The following FER1L6 variants were observed in gnomAD, a reference collection of about 807,000 sequenced individuals.
FER1L6 encodes the protein fer-1 like family member 6.
A neutral mutation model predicts 219.2 loss-of-function variants in FER1L6; 177 were observed. That is an observed-to-expected ratio of 0.81 (90% confidence interval 0.71 to 0.91). FER1L6 has a LOEUF of 0.91. Among genes scored for constraint, FER1L6 ranks in the 40% least tolerant of loss-of-function variants. The pLI is 0.00. For synonymous variants in FER1L6, 768 were observed against 824.3 expected (o/e 0.93, Z 1.17); for missense variants, 2,153 against 2,259.9 (o/e 0.95, Z 0.96).
chr8:124,085,840 T>A (rs1209740436), intron 33 of FER1L6, among the ~76,000 whole-genome samples: 1 of 152,160 alleles, frequency 6.6e-6, no homozygotes, highest in African/African-American at 2.4e-5. Context: ...CCAGCTATTA[T>A]TGTATTGGGG....
At chr8:124,109,417 C>T (rs1422150279) in intron 39 of FER1L6, among the ~76,000 whole-genome samples, 1 of 152,156 alleles carries the variant, frequency 6.6e-6, no homozygotes, top group East Asian at 1.9e-4. Flanking sequence ...CATGTCTAGT[C>T]CCTAGTCCCT....
At chr8:124,076,062 A>C in intron 31 of FER1L6, 136 bp from the exon 32 acceptor site, 1 of 1,100,168 alleles carries the variant, frequency 9.1e-7, no homozygotes, top group Non-Finnish European at 1.3e-6. Context: ...CAAAAGCCCA[A>C]AGCCCTGGCC....
chr8:124,068,451 A>G (rs1820916288), intron 28 of FER1L6, among the ~76,000 whole-genome samples: 1 of 152,200 alleles, frequency 6.6e-6, no homozygotes, highest in Non-Finnish European at 1.5e-5. Context: ...TCTGTCCAAC[A>G]TTACACAGCT....
At chr8:124,021,929 G>A (rs952942521) in intron 17 of FER1L6, among the ~76,000 whole-genome samples, 3 of 152,126 alleles carry the variant, frequency 2.0e-5, no homozygotes, top group Middle Eastern at 3.2e-3. Context: ...TGAAGTCAAC[G>A]TAAGCCCAGG....
chr8:124,100,580 T>C (rs1353401665), intron 37 of FER1L6, among the ~76,000 whole-genome samples: 1 of 152,180 alleles, frequency 6.6e-6, no homozygotes, highest in Admixed American at 6.5e-5. Flanking sequence ...CTGGGCTTTC[T>C]AGGCCTAGAA....
intron 1 of FER1L6, among the ~76,000 whole-genome samples, chr8:123,878,507 C>T (rs1284932151): frequency 2.0e-5 from 3 of 152,328 alleles, no homozygotes; most frequent in Admixed American, 6.5e-5. Context: ...TTTGTCGCTT[C>T]TACTGTGAGA....
At chr8:123,997,860 T>C (rs1817206627) in intron 12 of FER1L6, among the ~76,000 whole-genome samples, 1 of 152,248 alleles carries the variant, frequency 6.6e-6, no homozygotes, top group Admixed American at 6.5e-5. Context: ...TGATTCTTTC[T>C]AATTATTCAA....
chr8:123,869,329 G>A (rs1816887768), intron 1 of FER1L6, among the ~76,000 whole-genome samples: 2 of 152,236 alleles, frequency 1.3e-5, no homozygotes, highest in African/African-American at 4.8e-5. Context: ...TGTATCCCGA[G>A]CACATCTCTT....
chr8:124,004,027 C>T (rs758550251), intron 13 of FER1L6, among the ~76,000 whole-genome samples: 8 of 142,770 alleles, frequency 5.6e-5, no homozygotes, highest in Non-Finnish European at 1.0e-4. Context: ...GAGTCCTGTG[C>T]TATTATGTAA....
At chr8:123,893,150 G>C (rs1226932856) in intron 1 of FER1L6, among the ~76,000 whole-genome samples, 1 of 152,096 alleles carries the variant, frequency 6.6e-6, no homozygotes, top group Non-Finnish European at 1.5e-5. Context: ...TTGTAGTTTT[G>C]CTTTGATTCT....
chr8:123,885,407 C>T (rs1226127800), intron 1 of FER1L6, among the ~76,000 whole-genome samples: 1 of 152,168 alleles, frequency 6.6e-6, no homozygotes, highest in African/African-American at 2.4e-5. Flanking sequence ...TGAGCTGTTG[C>T]TTCAGAAATG....
At chr8:123,880,045 T>C (rs888249616) in intron 1 of FER1L6, among the ~76,000 whole-genome samples, 19 of 152,164 alleles carry the variant, frequency 1.2e-4, no homozygotes, top group Admixed American at 4.6e-4. Flanking sequence ...CTTTAGATCA[T>C]ATCACTTTAA....
chr8:123,917,777 G>A (rs1053566219), intron 1 of FER1L6, among the ~76,000 whole-genome samples: 5 of 152,078 alleles, frequency 3.3e-5, no homozygotes, highest in East Asian at 1.9e-4. Flanking sequence ...AAATTGTATC[G>A]CATTATTCAT....
intron 1 of FER1L6, among the ~76,000 whole-genome samples, chr8:123,859,887 A>C (rs1816714047): frequency 6.8e-6 from 1 of 146,844 alleles, no homozygotes; most frequent in African/African-American, 2.6e-5. Flanking sequence ...TGAACTCATC[A>C]TTTTTTATGG....
intron 16 of FER1L6, 99 bp from the exon 17 acceptor site, chr8:124,021,451 T>TGTGGA: frequency 6.6e-7 from 1 of 1,511,568 alleles, no homozygotes; most frequent in South Asian, 1.2e-5. Context: ...AGTGACTCAG[T>TGTGGA]GTGGAGCTCA....
intron 14 of FER1L6, among the ~76,000 whole-genome samples, chr8:124,011,706 G>T (rs1291665301): frequency 6.6e-6 from 1 of 151,070 alleles, no homozygotes; most frequent in Non-Finnish European, 1.5e-5. Flanking sequence ...GGCTGGTCTG[G>T]AATTCCTGGG....
chr8:124,092,511 G>C (rs1027246137), intron 34 of FER1L6, among the ~76,000 whole-genome samples: 4 of 152,070 alleles, frequency 2.6e-5, no homozygotes, highest in Admixed American at 2.6e-4. Context: ...TGAACATCCT[G>C]GGACATAACA....
At chr8:124,063,362 G>A (rs1820677970) in intron 25 of FER1L6, among the ~76,000 whole-genome samples, 1 of 152,066 alleles carries the variant, frequency 6.6e-6, no homozygotes. Flanking sequence ...TTTAAGGAAC[G>A]CTTTCTCACC....
At chr8:124,006,166 T>C (rs2130528386) in intron 13 of FER1L6, among the ~76,000 whole-genome samples, 1 of 152,334 alleles carries the variant, frequency 6.6e-6, no homozygotes, top group Non-Finnish European at 1.5e-5. Flanking sequence ...GTACTCTGCA[T>C]CTTTGCACTG....
Sources: allele counts gnomAD v4.1 joint callset (sites outside exome capture counted in the v4.1 genomes callset), GRCh38; gene constraint gnomAD v4.1.1; transcripts MANE v1.5; gene names NCBI Gene and HGNC (gene_info 2026-07-23, HGNC 2026-07-21).